AKR1E2: variants seen among roughly 807,000 people sequenced by gnomAD.
AKR1E2 encodes the protein aldo-keto reductase family 1 member E2.
In AKR1E2, 43 loss-of-function variants were observed where a neutral mutation model predicts 41.9. That is an observed-to-expected ratio of 1.03 (90% CI 0.80 to 1.32). The LOEUF is 1.32. Among genes scored for constraint, AKR1E2 ranks in the 40% most tolerant of loss-of-function variants. The pLI is 0.00. For synonymous variants in AKR1E2, 121 were observed against 138.9 expected (o/e 0.87, Z 0.91); for missense variants, 423 against 396.5 (o/e 1.07, Z -0.57).
In AKR1E2 at chr10:4,826,298, G is replaced by C. The variant is rs1229782831; in HGVS notation, c.-27G>C. 8.1e-7 allele frequency: 1 copy of C among 1,231,834 alleles called. No individual in the cohort carries two copies. Among genetic ancestry groups the C allele is most frequent in the Non-Finnish European group, 1.0e-6 (1 of 986,540 alleles). 76.3% of individuals were successfully genotyped at this position (1,231,834 alleles called of 1,614,324 possible). A position where few individuals can be genotyped will look rare whatever the true frequency, so the allele number is the denominator to read the frequency against. ...TGTCGGTAGTCGCGTGCGGGGCGGC[G>C]GGGCGGCGGGGCGGCCGGCGGCGGC... On this transcript the variant is annotated 5_prime_UTR_variant, in exon 1 of 10. Transcript: ENST00000298375.
At chr10:4,836,460 G>A (rs1274111802) in intron 4 of AKR1E2, among the ~76,000 whole-genome samples, 2 of 152,208 alleles carry the variant, frequency 1.3e-5, no homozygotes, top group African/African-American at 4.8e-5. Flanking sequence ...GACCGAGCAC[G>A]TGTGGTCTTA....
At chr10:4,836,060 T>C (rs1236581182) in intron 4 of AKR1E2, among the ~76,000 whole-genome samples, 7 of 152,194 alleles carry the variant, frequency 4.6e-5, no homozygotes, top group South Asian at 2.1e-4. Flanking sequence ...TCACTTTTTT[T>C]CTCAAATATT....
intron 9 of AKR1E2, 121 bp downstream of exon 9, chr10:4,847,351 T>A (rs1834409073): frequency 6.5e-7 from 1 of 1,550,290 alleles, no homozygotes; most frequent in Admixed American, 1.9e-5. Flanking sequence ...TATAATTCTT[T>A]CCTGTTTGAA....
intron 9 of AKR1E2, 24 bp from the exon 10 acceptor site, chr10:4,847,464 T>G (rs1834416693): frequency 6.2e-7 from 1 of 1,609,408 alleles, no homozygotes; most frequent in South Asian, 1.1e-5. Context: ...GTTCCTATTT[T>G]TGATTTGTTT....
chr10:4,853,131 G>A, the AKR1E2 span, among the ~76,000 whole-genome samples: 39,992 of 152,074 alleles, frequency 0.26, 5,463 homozygotes, highest in Middle Eastern at 0.37. Flanking sequence ...GTAGCATATA[G>A]TAACCAGAGC....
the AKR1E2 span, among the ~76,000 whole-genome samples, chr10:4,867,264 A>G: frequency 6.6e-5 from 10 of 152,154 alleles, no homozygotes; most frequent in Non-Finnish European, 1.2e-4. Flanking sequence ...CAAGATACTG[A>G]TATTGATATT....
the AKR1E2 span, among the ~76,000 whole-genome samples, chr10:4,862,876 C>T: frequency 1.1e-3 from 159 of 149,566 alleles, no homozygotes; most frequent in African/African-American, 3.7e-3. Context: ...AAGGCCATTA[C>T]ATAATGATAA....
intron 5 of AKR1E2, among the ~76,000 whole-genome samples, chr10:4,838,104 C>G (rs1833582145): frequency 2.6e-5 from 4 of 152,176 alleles, no homozygotes; most frequent in Admixed American, 2.0e-4. Flanking sequence ...AGTACTTAAG[C>G]TTTTTATTGA....
chr10:4,837,689 GC>G, intron 5 of AKR1E2, 108 bp downstream of exon 5: 1 of 1,491,266 alleles, frequency 6.7e-7, no homozygotes, highest in Non-Finnish European at 9.0e-7. Context: ...CACAAAACAG[GC>G]CTGTTCTCCT....
the AKR1E2 span, among the ~76,000 whole-genome samples, chr10:4,865,815 C>A: frequency 6.6e-6 from 1 of 152,088 alleles, no homozygotes; most frequent in Non-Finnish European, 1.5e-5. Context: ...CAAAAAGAGT[C>A]CACCCCAACC....
chr10:4,854,097 T>TTG, the AKR1E2 span, among the ~76,000 whole-genome samples: 991 of 121,216 alleles, frequency 8.2e-3, 5 homozygotes, highest in South Asian at 0.021. Context: ...TTTTTTTTTT[T>TTG]TTTTTTTTTT....
chr10:4,841,734 G>A, intron 6 of AKR1E2, 51 bp from the exon 7 acceptor site: 1 of 1,310,756 alleles, frequency 7.6e-7, no homozygotes, highest in Non-Finnish European at 1.0e-6. Flanking sequence ...TAAAGAAAGG[G>A]GCATCCATGT....
downstream of AKR1E2, among the ~76,000 whole-genome samples, chr10:4,852,024 A>G (rs1834534595): frequency 2.6e-5 from 4 of 152,172 alleles, no homozygotes; most frequent in Admixed American, 2.6e-4. Flanking sequence ...GCCAGTGGAA[A>G]ATCAAACATT....
chr10:4,856,035 A>T, the AKR1E2 span, among the ~76,000 whole-genome samples: 2 of 152,182 alleles, frequency 1.3e-5, no homozygotes, highest in Non-Finnish European at 2.9e-5. Context: ...TAAAATCCCA[A>T]ACTTACCAAG....
chr10:4,841,630 C>T (rs745541725), intron 6 of AKR1E2, among the ~76,000 whole-genome samples, 155 bp from the exon 7 acceptor site: 2 of 152,052 alleles, frequency 1.3e-5, no homozygotes, highest in Non-Finnish European at 2.9e-5. Flanking sequence ...AAATGTGGGG[C>T]GATGTGCTTT....
At chr10:4,838,928 C>A (rs781547541) in intron 5 of AKR1E2, among the ~76,000 whole-genome samples, 22 of 152,184 alleles carry the variant, frequency 1.4e-4, no homozygotes, top group South Asian at 4.1e-4. Context: ...ACCAGGAACA[C>A]AGGATGCGGA....
the AKR1E2 span, among the ~76,000 whole-genome samples, chr10:4,859,190 T>G: frequency 6.6e-6 from 1 of 152,192 alleles, no homozygotes; most frequent in Non-Finnish European, 1.5e-5. Context: ...ATTCATTTAT[T>G]TCACCCACAT....
chr10:4,859,651 A>C, the AKR1E2 span, among the ~76,000 whole-genome samples: 1 of 152,224 alleles, frequency 6.6e-6, no homozygotes, highest in Admixed American at 6.5e-5. Flanking sequence ...GAGCAAAGGC[A>C]TTTACAGCCA....
chr10:4,844,682 TAC>T (rs1564276162), intron 8 of AKR1E2, among the ~76,000 whole-genome samples: 2 of 152,196 alleles, frequency 1.3e-5, no homozygotes, highest in African/African-American at 4.8e-5. Context: ...AGTAGCTAGA[TAC>T]AGAGTGTCGA....
Sources: allele counts gnomAD v4.1 joint callset (sites outside exome capture counted in the v4.1 genomes callset), GRCh38; gene constraint gnomAD v4.1.1; transcripts MANE v1.5; gene names NCBI Gene and HGNC (gene_info 2026-07-23, HGNC 2026-07-21).